PSMD5: variants seen among roughly 807,000 people sequenced by gnomAD.
PSMD5 encodes the protein proteasome 26S subunit, non-ATPase 5.
A neutral mutation model predicts 52.1 loss-of-function variants in PSMD5; 40 were observed. The observed-to-expected ratio is 0.77, with a 90% CI of 0.60 to 1.00. The LOEUF (loss-of-function observed/expected upper bound fraction) is 1.00. PSMD5 is among the 50% of genes least tolerant of loss of function. The pLI, the probability that PSMD5 is intolerant of heterozygous loss-of-function variation, is 0.00. For synonymous variants in PSMD5, 211 were observed against 226.6 expected (o/e 0.93, Z 0.62); for missense variants, 575 against 605.2 (o/e 0.95, Z 0.52).
At chr9:120,818,296 C>A in intron 9 of PSMD5, 133 bp from the exon 10 acceptor site, 3 of 857,000 alleles carry the variant, frequency 3.5e-6, no homozygotes, top group South Asian at 2.4e-5. Context: ...TAAATTCCTT[C>A]CTGAGAATCT....
chr9:120,833,228 C>G, intron 2 of PSMD5, 84 bp downstream of exon 2: 1 of 1,430,946 alleles, frequency 7.0e-7, no homozygotes, highest in Non-Finnish European at 9.6e-7. Flanking sequence ...GAGAGAAATA[C>G]TGTGCTTTCT....
At chr9:120,833,672 CTTTT>C (rs71385094) in intron 1 of PSMD5, among the ~76,000 whole-genome samples, 5 of 85,620 alleles carry the variant, frequency 5.8e-5, no homozygotes, top group African/African-American at 9.6e-5. Context: ...CTCTAGTCTT[CTTTT>C]TTTTTTTTTT....
At chr9:120,840,237 C>A (rs932485119) in intron 1 of PSMD5, among the ~76,000 whole-genome samples, 1 of 149,996 alleles carries the variant, frequency 6.7e-6, no homozygotes, top group South Asian at 2.1e-4. Context: ...GGATCCTCCC[C>A]CTCAGCCCTC....
chr9:120,826,749 C>T lies in PSMD5; in HGVS notation c.814+16G>A. On this transcript the variant is annotated intron_variant, in intron 6 of 9. Transcript: ENST00000210313. ...AAACACGCACCATCATTTCCATAGG[C>T]ATCAGTGTTCCTTACCTGGCAGATA... 1 of 1,611,416 alleles carries T rather than the reference C, an allele frequency of 6.2e-7. No individual in the cohort carries two copies. The highest frequency in any genetic ancestry group is 8.5e-7 in the Non-Finnish European group (1 of 1,178,036).
rs1454128165 is a variant in PSMD5 at position 120,831,387 on chromosome 9, C to A, written c.505G>T (p.Asp169Tyr). The A allele has an allele frequency of 6.2e-7, 1 of 1,612,792 alleles. No homozygotes were observed. The highest frequency in any genetic ancestry group is 8.5e-7 in the Non-Finnish European group (1 of 1,179,624). The stretch of plus-strand genomic sequence containing the variant: ...GTTTTCATTACACTTTTCAAATCAT[C>A]CAGCAGATTGCTTTCAAATAAAGCC... ...LEALFESNLLDDLKSVMKTND... is the reference protein window; with the variant it reads ...LEALFESNLLYDLKSVMKTND... Residue 169 changes from aspartate (D) to tyrosine (Y), a missense_variant, in exon 4 of 10, where the codon GAT (aspartate) becomes TAT (tyrosine). Coordinates refer to ENST00000210313, the MANE Select transcript of PSMD5 (RefSeq NM_005047.4).
chr9:120,833,220 G>A, intron 2 of PSMD5, 92 bp downstream of exon 2: 1 of 1,393,964 alleles, frequency 7.2e-7, no homozygotes, highest in Non-Finnish European at 9.9e-7. Context: ...GAAGGAGAGA[G>A]AGAAATACTG....
chr9:120,826,550 A>T, intron 6 of PSMD5: 1 of 513,718 alleles, frequency 1.9e-6, no homozygotes, highest in Non-Finnish European at 3.4e-6. Context: ...TCCATAGGAT[A>T]AATCCCACTT....
At chr9:120,819,821 G>C (rs1276511502) in intron 9 of PSMD5, among the ~76,000 whole-genome samples, 1 of 152,024 alleles carries the variant, frequency 6.6e-6, no homozygotes, top group Non-Finnish European at 1.5e-5. Context: ...GGGCGACAGA[G>C]CGAGACTCTG....
intron 9 of PSMD5, among the ~76,000 whole-genome samples, chr9:120,819,255 C>G (rs974836356): frequency 6.6e-6 from 1 of 152,126 alleles, no homozygotes; most frequent in African/African-American, 2.4e-5. Context: ...TTTCAGGATC[C>G]CAGGCTCTGC....
intron 7 of PSMD5, among the ~76,000 whole-genome samples, chr9:120,822,741 G>A (rs939112126): frequency 1.3e-5 from 2 of 151,968 alleles, no homozygotes; most frequent in Admixed American, 1.3e-4. Context: ...TGGCCAGGCT[G>A]GTCTCGAACT....
chr9:120,817,573 G>A lies in PSMD5; in HGVS notation c.*333C>T, dbSNP rs920924973. ...GGTGTTAGCCACCGCGCCCAGCCCT[G>A]AAGCAGGCTTTTAGATAAGATTGCA... On this transcript the variant is annotated 3_prime_UTR_variant, in exon 10 of 10. Coordinates refer to ENST00000210313, the MANE Select transcript of PSMD5 (RefSeq NM_005047.4). The A allele has an allele frequency of 4.0e-5, 9 of 227,074 alleles. No individual in the cohort carries two copies. Among genetic ancestry groups the A allele is most frequent in the Non-Finnish European group, 7.0e-5 (8 of 114,682 alleles). The allele number at this position is 227,074 out of a possible 1,614,324, so 14.1% of individuals were successfully genotyped here. A position where few individuals can be genotyped will look rare whatever the true frequency, so the allele number is the denominator to read the frequency against.
chr9:120,822,908 A>C (rs1211358185), intron 7 of PSMD5, among the ~76,000 whole-genome samples: 1 of 151,902 alleles, frequency 6.6e-6, no homozygotes, highest in Non-Finnish European at 1.5e-5. Flanking sequence ...GGCTCACTAC[A>C]GCCTTCACCT....
chr9:120,817,761 AAC>A lies in PSMD5; in HGVS notation c.*143_*144del. On this transcript the variant is annotated 3_prime_UTR_variant, in exon 10 of 10. Transcript: ENST00000210313. ...ACTTTGCATTTCAATGTAGAAATAT[AAC>A]AGTGTTGGTAACAAAGTAACATCTG... The A allele has an allele frequency of 1.1e-6, 1 of 943,296 alleles. No individual in the cohort carries two copies. Among genetic ancestry groups the A allele is most frequent in the Non-Finnish European group, 1.6e-6 (1 of 637,356 alleles). 58.4% of individuals were successfully genotyped at this position (943,296 alleles called of 1,614,324 possible). A position where few individuals can be genotyped will look rare whatever the true frequency, so the allele number is the denominator to read the frequency against.
intron 4 of PSMD5, among the ~76,000 whole-genome samples, chr9:120,831,035 C>T (rs549507617): frequency 1.8e-4 from 27 of 152,236 alleles, no homozygotes; most frequent in Non-Finnish European, 3.8e-4. Flanking sequence ...ATGCACATAC[C>T]ACCATGCACA....
In PSMD5 at chr9:120,829,188, G is replaced by A. The variant is rs749918057; in HGVS notation, c.582C>T (p.Ser194=). The A allele has an allele frequency of 1.1e-5, 17 of 1,593,320 alleles. No homozygotes were observed. The highest frequency in any genetic ancestry group is 1.8e-5 in the Admixed American group (1 of 56,718). The part of the protein sequence containing the change: ...RVYELIIEIS[S]VSPESLNYCT... ...AGTAGTTTAAAGATTCTGGTGACACGGAAGAAATCTCTATAATTAGCTGAA... is the reference window on the plus strand; with the variant it reads ...AGTAGTTTAAAGATTCTGGTGACACAGAAGAAATCTCTATAATTAGCTGAA... Residue 194 remains serine (S), a synonymous_variant, in exon 5 of 10, where the codon TCC becomes TCT. Transcript: ENST00000210313.
At chr9:120,831,735 A>G in intron 3 of PSMD5, 97 bp downstream of exon 3, 1 of 1,501,952 alleles carries the variant, frequency 6.7e-7, no homozygotes, top group Non-Finnish European at 8.9e-7. Flanking sequence ...CAAATCATCC[A>G]TTCTAAACCT....
intron 1 of PSMD5, among the ~76,000 whole-genome samples, chr9:120,839,326 G>A (rs996904722): frequency 6.6e-6 from 1 of 152,172 alleles, no homozygotes; most frequent in Admixed American, 6.5e-5. Flanking sequence ...GGGAAACCAC[G>A]GAAAAGATTA....
chr9:120,824,575 G>T lies in PSMD5; in HGVS notation c.925C>A (p.Pro309Thr). The T allele has an allele frequency of 6.2e-7, 1 of 1,614,100 alleles. No individual in the cohort carries two copies. The highest frequency in any genetic ancestry group is 8.5e-7 in the Non-Finnish European group (1 of 1,180,014). The part of the protein sequence containing the change: ...KVFEMIESQD[P>T]TMIGVAVDTV... ...TCTACAGCTACACCAATCATAGTGG[G>T]GTCCTGACTTTCTATCATTTCAAAG... The change falls in exon 7 of 10, where the codon CCC (proline) becomes ACC (threonine). Residue 309 changes from proline (P) to threonine (T), a missense_variant. Physicochemically the swap from Pro to Thr is conservative, Grantham distance 38. Transcript: ENST00000210313.
chr9:120,824,437 A>T (rs376146984), intron 7 of PSMD5, 57 bp downstream of exon 7: 1 of 1,549,530 alleles, frequency 6.5e-7, no homozygotes. Context: ...ATGAACTTAC[A>T]TATTGAACCC....
Sources: gnomAD v4.1 joint callset for allele counts (sites outside exome capture counted in the v4.1 genomes callset) on GRCh38, gnomAD v4.1.1 for gene constraint, MANE v1.5 for transcripts, NCBI Gene and HGNC (gene_info 2026-07-23, HGNC 2026-07-21) for gene names.